Variants in AK9 observed in about 807,000 individuals in gnomAD.
AK9 encodes adenylate kinase domain containing 1.
A neutral mutation model predicts 239.6 loss-of-function variants in AK9; 191 were observed. The ratio of observed to expected loss-of-function variants is 0.80; its 90% CI spans 0.71 to 0.90. The LOEUF (loss-of-function observed/expected upper bound fraction) is 0.90, where lower values mean the gene tolerates loss of function less well. AK9 is among the 40% of genes least tolerant of loss of function. AK9 has a pLI of 0.00. For synonymous variants in AK9, 689 were observed against 721.0 expected (o/e 0.96, Z 0.71); for missense variants, 1,995 against 2,214.7 (o/e 0.90, Z 1.99).
At position 109,598,049 on chromosome 6, in the gene AK9, T is replaced by TA. The variant is rs1368124195; in HGVS notation, c.1843-11978dup. On this transcript the variant is annotated intron_variant, in intron 17 of 40. Transcript: ENST00000424296. ...ACTTTCCCCAGCTTGTCCTTTGTCT[T>TA]AAATTTTTGATTTGTGTAATTTATA... Among the ~76,000 whole-genome samples the TA allele has an allele frequency of 5.9e-5, 9 of 152,310 alleles. No homozygotes were observed. In the East Asian group the frequency reaches 1.7e-3, roughly 29 times the overall value.
At chr6:109,648,266 AC>A (rs1798364983) in intron 8 of AK9, among the ~76,000 whole-genome samples, 1 of 152,222 alleles carries the variant, frequency 6.6e-6, no homozygotes, top group African/African-American at 2.4e-5. Context: ...AAATAGAGAC[AC>A]AAAAAAATCC....
chr6:109,600,835 A>G (rs570634561), intron 17 of AK9, among the ~76,000 whole-genome samples: 1 of 152,140 alleles, frequency 6.6e-6, no homozygotes, highest in African/African-American at 2.4e-5. Context: ...GAATTTATCC[A>G]TTTCTTCTAA....
chr6:109,689,908 T>A (rs182235149), intron 1 of AK9, among the ~76,000 whole-genome samples: 1 of 152,290 alleles, frequency 6.6e-6, no homozygotes, highest in African/African-American at 2.4e-5. Flanking sequence ...CAGCTAACTA[T>A]TTTTCCCAGT....
At chr6:109,688,205 A>G (rs1241836038) in intron 1 of AK9, among the ~76,000 whole-genome samples, 3 of 152,174 alleles carry the variant, frequency 2.0e-5, no homozygotes, top group Non-Finnish European at 4.4e-5. Flanking sequence ...TCAGTGACAA[A>G]TTGATTACAA....
chr6:109,687,019 C>G (rs576160728), intron 1 of AK9, among the ~76,000 whole-genome samples: 1 of 152,278 alleles, frequency 6.6e-6, no homozygotes, highest in Non-Finnish European at 1.5e-5. Context: ...GTGGAATTCC[C>G]TAAGAAGAGC....
At chr6:109,672,092 CT>C in intron 4 of AK9, 22 bp downstream of exon 4, 1 of 1,612,954 alleles carries the variant, frequency 6.2e-7, no homozygotes, top group Non-Finnish European at 8.5e-7. Flanking sequence ...ATCATAGTTA[CT>C]TTGAAATTTA....
At position 109,573,663 on chromosome 6, in the gene AK9, G is replaced by A. The variant is rs181351061; in HGVS notation, c.2192-69C>T. On this transcript the variant is annotated intron_variant, in intron 20 of 40. Coordinates refer to ENST00000424296, the MANE Select transcript of AK9 (RefSeq NM_001145128.3). ...ACAAATATTTATTGGGTGTTGATAA[G>A]TGCTGAAGCCAAACAAAGAATATGA... The A allele has an allele frequency of 2.0e-5, 28 of 1,407,126 alleles. No individual in the cohort carries two copies. In the Admixed American group the frequency reaches 4.9e-4, roughly 25 times the overall value. The allele number at this position is 1,407,126 out of a possible 1,614,324, so 87.2% of individuals were successfully genotyped here.
At chr6:109,653,120 T>C (rs144106648) in intron 8 of AK9, among the ~76,000 whole-genome samples, 5,430 of 152,194 alleles carry the variant, frequency 0.036, 318 homozygotes, top group African/African-American at 0.13. Flanking sequence ...AGAGAGGCGG[T>C]TTCACCATGG....
rs991315278 is a variant in AK9 at position 109,614,606 on chromosome 6, A to C, written c.1400-126T>G. On this transcript the variant is annotated intron_variant, in intron 13 of 40. Transcript: ENST00000424296. Reference sequence around the variant, plus strand: ...TTTCAGTTCTGACTTATAAGCTGTAAGGGCTGTGTGACTTTGGTAAATCAC... The same window carrying C: ...TTTCAGTTCTGACTTATAAGCTGTACGGGCTGTGTGACTTTGGTAAATCAC... 4 of 720,710 alleles carry C rather than the reference A, an allele frequency of 5.6e-6. No individual in the cohort carries two copies. In the African/African-American group the frequency reaches 7.1e-5, roughly 13 times the overall value. 44.6% of individuals were successfully genotyped at this position (720,710 alleles called of 1,614,324 possible). A position where few individuals can be genotyped will look rare whatever the true frequency, so the allele number is the denominator to read the frequency against.
At chr6:109,623,333 T>C (rs1795099504) in intron 12 of AK9, among the ~76,000 whole-genome samples, 1 of 152,160 alleles carries the variant, frequency 6.6e-6, no homozygotes, top group African/African-American at 2.4e-5. Context: ...ATGCAAGTGA[T>C]AGTGGATGAC....
chr6:109,521,362 C>T (rs1179583726), intron 29 of AK9, among the ~76,000 whole-genome samples: 1 of 151,988 alleles, frequency 6.6e-6, no homozygotes, highest in Non-Finnish European at 1.5e-5. Flanking sequence ...TATTTTTGCT[C>T]TTTATTTTGT....
chr6:109,515,873 T>G lies in AK9; in HGVS notation c.4049A>C (p.Tyr1350Ser). The change falls in exon 31 of 41, where the codon TAT becomes TCT. Residue 1350 changes from tyrosine to serine, a missense_variant. By Grantham distance (144) the Tyr-to-Ser change is moderately radical (BLOSUM62 -2). Transcript: ENST00000424296. ...TGAAATTACCTTTACAGGGTCCCAA[T>G]AGCCGAATGAGCTTATATACTTGTA... Reference protein sequence around the residue: ...FTYKYISSFGYWDPVKLSEGE... With the variant: ...FTYKYISSFGSWDPVKLSEGE... 2 of 1,551,390 alleles carry G rather than the reference T, an allele frequency of 1.3e-6. No homozygotes were observed. The highest frequency in any genetic ancestry group is 1.7e-4 in the Middle Eastern group (1 of 5,994).
chr6:109,641,668 T>C, intron 9 of AK9, 52 bp from the exon 10 acceptor site: 1 of 1,482,386 alleles, frequency 6.7e-7, no homozygotes, highest in Non-Finnish European at 9.4e-7. Flanking sequence ...ATATCTCAAA[T>C]ACTCTGAAAC....
At chr6:109,625,105 G>T (rs1583306930) in intron 12 of AK9, among the ~76,000 whole-genome samples, 1 of 152,022 alleles carries the variant, frequency 6.6e-6, no homozygotes, top group East Asian at 1.9e-4. Context: ...TTATTTTCCA[G>T]AGCATGTTAA....
At chr6:109,516,229 T>C (rs891493345) in intron 30 of AK9, among the ~76,000 whole-genome samples, 154 bp from the exon 31 acceptor site, 1 of 152,198 alleles carries the variant, frequency 6.6e-6, no homozygotes, top group Non-Finnish European at 1.5e-5. Context: ...GTGACTAAAC[T>C]TACTCTGACC....
chr6:109,573,308 G>A (rs1787662121), intron 21 of AK9, 134 bp downstream of exon 21: 2 of 951,104 alleles, frequency 2.1e-6, no homozygotes, highest in African/African-American at 1.7e-5. Context: ...TGGACTCAAT[G>A]GCTGCTCTCT....
chr6:109,622,636 AATAT>A (rs1795018885), intron 12 of AK9, among the ~76,000 whole-genome samples: 1 of 147,380 alleles, frequency 6.8e-6, no homozygotes, highest in Non-Finnish European at 1.5e-5. Flanking sequence ...ATATGTATAT[AATAT>A]ATAATGTGTA....
At chr6:109,668,141 T>C (rs1050450123) in intron 5 of AK9, among the ~76,000 whole-genome samples, 5 of 152,334 alleles carry the variant, frequency 3.3e-5, no homozygotes, top group African/African-American at 7.2e-5. Context: ...TTGCATTTCT[T>C]GGACGGCCAG....
At chr6:109,670,684 A>T (rs1770735201) in intron 5 of AK9, among the ~76,000 whole-genome samples, 2 of 152,134 alleles carry the variant, frequency 1.3e-5, no homozygotes, top group African/African-American at 4.8e-5. Flanking sequence ...TTCAAGAGGT[A>T]AGTGAGGTTA....
Sources: gnomAD v4.1 joint callset for allele counts (sites outside exome capture counted in the v4.1 genomes callset) on GRCh38, gnomAD v4.1.1 for gene constraint, MANE v1.5 for transcripts, NCBI Gene and HGNC (gene_info 2026-07-23, HGNC 2026-07-21) for gene names.